Variants in EXOC4 observed in about 807,000 individuals in gnomAD.
EXOC4 encodes exocyst complex component 4, also known as SEC8-like 1.
A neutral mutation model predicts 107.2 loss-of-function variants in EXOC4; 71 were observed. The observed-to-expected ratio is 0.66, with a 90% CI of 0.55 to 0.81. The LOEUF (loss-of-function observed/expected upper bound fraction) is 0.81, where lower values mean the gene tolerates loss of function less well. EXOC4 is among the 30% of genes least tolerant of loss of function. The pLI, the probability that EXOC4 is intolerant of heterozygous loss-of-function variation, is 0.00. For synonymous variants in EXOC4, 456 were observed against 441.2 expected (o/e 1.03, Z -0.42); for missense variants, 1,108 against 1,189.6 (o/e 0.93, Z 1.01).
At chr7:133,906,630 C>T (rs1799571605) in intron 12 of EXOC4, among the ~76,000 whole-genome samples, 1 of 152,198 alleles carries the variant, frequency 6.6e-6, no homozygotes, top group Non-Finnish European at 1.5e-5. Flanking sequence ...TTAAATCTTG[C>T]AACTGCATTC....
intron 14 of EXOC4, among the ~76,000 whole-genome samples, chr7:133,955,120 T>G (rs755904873): frequency 5.3e-5 from 8 of 152,246 alleles, no homozygotes; most frequent in Non-Finnish European, 1.2e-4. Flanking sequence ...GTCTCAGCCC[T>G]GTTTATGTTA....
At chr7:133,837,578 G>A (rs768112930) in intron 11 of EXOC4, among the ~76,000 whole-genome samples, 1 of 152,080 alleles carries the variant, frequency 6.6e-6, no homozygotes, top group Admixed American at 6.6e-5. Flanking sequence ...CCCAAAACAG[G>A]GTGTCTTTGG....
At chr7:133,402,191 A>G (rs1200255842) in intron 7 of EXOC4, among the ~76,000 whole-genome samples, 1 of 152,216 alleles carries the variant, frequency 6.6e-6, no homozygotes, top group Non-Finnish European at 1.5e-5. Context: ...TTGCCTAAGT[A>G]TTCAGGTGTA....
intron 7 of EXOC4, among the ~76,000 whole-genome samples, chr7:133,455,287 A>G (rs1466544296): frequency 6.6e-6 from 1 of 152,168 alleles, no homozygotes; most frequent in Non-Finnish European, 1.5e-5. Flanking sequence ...GCATGCAATT[A>G]AAAACTTATT....
rs554982807 is a variant in EXOC4 at position 133,724,777 on chromosome 7, G to A, written c.1515-92548G>A. ...TTCATGCAGTTATTTGGAGACAGAT[G>A]TTCTAGCAAGAGGGAACAGCAAGTA... On this transcript the variant is annotated intron_variant, in intron 10 of 17. Coordinates refer to ENST00000253861, the MANE Select transcript of EXOC4 (RefSeq NM_021807.4). Among the ~76,000 whole-genome samples the A allele has an allele frequency of 2.6e-5, 4 of 152,312 alleles. No homozygotes were observed. In the South Asian group the frequency reaches 8.3e-4, roughly 32 times the overall value.
intron 9 of EXOC4, among the ~76,000 whole-genome samples, chr7:133,512,409 A>G (rs1345053312): frequency 6.6e-6 from 1 of 151,978 alleles, no homozygotes; most frequent in African/African-American, 2.4e-5. Context: ...AGCCTGGGCG[A>G]TAGAGTGAGA....
At chr7:133,292,669 G>T (rs572732559) in intron 3 of EXOC4, among the ~76,000 whole-genome samples, 19 of 152,100 alleles carry the variant, frequency 1.2e-4, no homozygotes, top group Non-Finnish European at 2.2e-4. Flanking sequence ...TATTCAGATA[G>T]CTAGGTGCTT....
intron 14 of EXOC4, among the ~76,000 whole-genome samples, chr7:133,947,604 C>T (rs1364107156): frequency 1.3e-5 from 2 of 152,136 alleles, no homozygotes; most frequent in African/African-American, 4.8e-5. Flanking sequence ...ATCAGCTGGT[C>T]GTTAGTAGAG....
chr7:133,737,024 TAACA>T (rs1421248639), intron 10 of EXOC4, among the ~76,000 whole-genome samples: 2 of 152,220 alleles, frequency 1.3e-5, no homozygotes, highest in African/African-American at 4.8e-5. Context: ...TTTTTGTCAC[TAACA>T]GTTATTATCT....
At chr7:133,870,291 T>TA (rs546777352) in intron 11 of EXOC4, among the ~76,000 whole-genome samples, 1 of 152,220 alleles carries the variant, frequency 6.6e-6, no homozygotes, top group Non-Finnish European at 1.5e-5. Flanking sequence ...TTAAAATAGT[T>TA]ACCTCATGGA....
chr7:133,402,674 T>C (rs1052451915), intron 7 of EXOC4, among the ~76,000 whole-genome samples: 1 of 152,038 alleles, frequency 6.6e-6, no homozygotes, highest in African/African-American at 2.4e-5. Context: ...AATTTTGTTT[T>C]TGTATTTTTA....
chr7:133,887,134 G>A (rs1042382432), intron 11 of EXOC4, among the ~76,000 whole-genome samples: 2 of 152,232 alleles, frequency 1.3e-5, no homozygotes, highest in East Asian at 1.9e-4. Flanking sequence ...ACCTCCAGTG[G>A]GTATGCAGAG....
intron 3 of EXOC4, among the ~76,000 whole-genome samples, chr7:133,299,302 CTT>C (rs1794591538): frequency 1.3e-5 from 2 of 152,110 alleles, no homozygotes; most frequent in Admixed American, 1.3e-4. Flanking sequence ...TTAAAGGTCT[CTT>C]TCAATAGAAA....
intron 10 of EXOC4, among the ~76,000 whole-genome samples, chr7:133,748,134 A>G (rs1467495024): frequency 6.6e-6 from 1 of 152,178 alleles, no homozygotes; most frequent in African/African-American, 2.4e-5. Context: ...TATTATGACC[A>G]GAGACACTGC....
At chr7:133,504,621 C>T (rs887679056) in intron 9 of EXOC4, among the ~76,000 whole-genome samples, 1 of 152,000 alleles carries the variant, frequency 6.6e-6, no homozygotes, top group Non-Finnish European at 1.5e-5. Flanking sequence ...ATTTAAAAAT[C>T]ATTGCTGGTG....
At chr7:133,946,022 C>G (rs988161100) in intron 14 of EXOC4, among the ~76,000 whole-genome samples, 36 of 152,178 alleles carry the variant, frequency 2.4e-4, no homozygotes, top group African/African-American at 8.7e-4. Flanking sequence ...AATTAGAACT[C>G]TATGCGTGGT....
chr7:133,666,038 A>G (rs1793805174), intron 10 of EXOC4, among the ~76,000 whole-genome samples: 1 of 152,126 alleles, frequency 6.6e-6, no homozygotes, highest in Non-Finnish European at 1.5e-5. Context: ...GCTTTCCCAC[A>G]TGCATGACTT....
intron 11 of EXOC4, among the ~76,000 whole-genome samples, chr7:133,864,070 A>G (rs911699316): frequency 5.9e-5 from 9 of 152,130 alleles, no homozygotes; most frequent in Non-Finnish European, 7.3e-5. Context: ...CTCTGCTGTA[A>G]TCTCTGATGG....
chr7:134,052,533 G>C (rs1319010971), intron 17 of EXOC4, among the ~76,000 whole-genome samples: 1 of 151,706 alleles, frequency 6.6e-6, no homozygotes, highest in African/African-American at 2.4e-5. Context: ...ATACAATTGT[G>C]AGACCCATAG....
Sources: gnomAD v4.1 joint callset for allele counts (sites outside exome capture counted in the v4.1 genomes callset) on GRCh38, gnomAD v4.1.1 for gene constraint, MANE v1.5 for transcripts, NCBI Gene and HGNC (gene_info 2026-07-23, HGNC 2026-07-21) for gene names.